Variants in ERICH1 observed in about 807,000 individuals in gnomAD.
The protein encoded by ERICH1 is glutamate-rich protein 1.
In ERICH1, 56 loss-of-function variants were observed where a neutral mutation model predicts 39.6. The ratio of observed to expected loss-of-function variants is 1.41; its 90% CI spans 1.14 to 1.77. The LOEUF is 1.77. ERICH1 is among the 40% of genes most tolerant of loss of function. The pLI, the probability that ERICH1 is intolerant of heterozygous loss-of-function variation, is 0.00. For missense variants in ERICH1, 826 were observed against 575.4 expected (o/e 1.44, Z -4.45); for synonymous variants, 313 against 223.6 (o/e 1.40, Z -3.57).
intron 3 of ERICH1, among the ~76,000 whole-genome samples, chr8:679,456 C>G (rs1407541928): frequency 1.3e-5 from 2 of 150,222 alleles, no homozygotes; most frequent in Non-Finnish European, 3.0e-5. Context: ...CCACCCCTCA[C>G]AGCACCCACC....
At chr8:702,811 G>C (rs1305155143) in intron 2 of ERICH1, among the ~76,000 whole-genome samples, 1 of 152,364 alleles carries the variant, frequency 6.6e-6, no homozygotes. Flanking sequence ...AGAGGGGCAG[G>C]GCGGAAGCCA....
chr8:695,156 G>A (rs1029997799), intron 2 of ERICH1, among the ~76,000 whole-genome samples: 1 of 152,002 alleles, frequency 6.6e-6, no homozygotes, highest in Non-Finnish European at 1.5e-5. Flanking sequence ...CCTCTGGGCT[G>A]CTCCTGGCAG....
chr8:672,959 A>T (rs1030418661), intron 4 of ERICH1, among the ~76,000 whole-genome samples: 1 of 152,082 alleles, frequency 6.6e-6, no homozygotes, highest in Non-Finnish European at 1.5e-5. Flanking sequence ...ATGCCAACAC[A>T]CTCCAAAACC....
chr8:660,076 C>G (rs985245290), downstream of ERICH1, among the ~76,000 whole-genome samples: 1 of 152,194 alleles, frequency 6.6e-6, no homozygotes, highest in Non-Finnish European at 1.5e-5. Context: ...GCTGAGGCAA[C>G]GAGGTGGGGC....
At chr8:633,595 G>T (rs1281775234) in intron 3 of ERICH1, among the ~76,000 whole-genome samples, 2 of 152,144 alleles carry the variant, frequency 1.3e-5, no homozygotes, top group Non-Finnish European at 2.9e-5. Context: ...ATCCTAAAAA[G>T]AACGAAGCTG....
At chr8:700,091 GCGCACAGACCCGCACA>G (rs1424301894) in intron 2 of ERICH1, among the ~76,000 whole-genome samples, 1 of 127,006 alleles carries the variant, frequency 7.9e-6, no homozygotes, top group Non-Finnish European at 1.6e-5. Context: ...ACCCGCACAC[GCGCACAGACCCGCACA>G]CGCGCACACA....
chr8:660,029 C>T (rs565612849), downstream of ERICH1, among the ~76,000 whole-genome samples: 1 of 152,380 alleles, frequency 6.6e-6, no homozygotes, highest in South Asian at 2.1e-4. Flanking sequence ...CATCAACTCA[C>T]TGTGCCAGAT....
At chr8:714,746 C>T (rs1357834375) in intron 2 of ERICH1, among the ~76,000 whole-genome samples, 1 of 140,244 alleles carries the variant, frequency 7.1e-6, no homozygotes, top group Admixed American at 7.0e-5. Context: ...CTTCCGGCAT[C>T]TCTCGGTGGG....
chr8:615,777 T>C (rs1796873558), intron 3 of ERICH1: 1 of 152,844 alleles, frequency 6.5e-6, no homozygotes. Flanking sequence ...TGCTAAGAGC[T>C]ATGTGGTAAA....
exon 4 of ERICH1, chr8:615,235 C>G: frequency 1.4e-6 from 1 of 696,042 alleles, no homozygotes; most frequent in Non-Finnish European, 2.6e-6. Context: ...AAGGCAGCCC[C>G]TCTCTCTTTC....
chr8:628,504 C>T (rs113418083), intron 3 of ERICH1, among the ~76,000 whole-genome samples: 2,080 of 152,336 alleles, frequency 0.014, 54 homozygotes, highest in African/African-American at 0.047. Flanking sequence ...AGGCAGCTGG[C>T]GACCTTGGCC....
At chr8:656,953 G>A in intron 3 of ERICH1, 1 of 670,058 alleles carries the variant, frequency 1.5e-6, no homozygotes, top group Non-Finnish European at 1.8e-6. Flanking sequence ...GCATTTTAGT[G>A]CAAAATAATT....
At position 700,241 on chromosome 8, in the gene ERICH1, ACAGG is replaced by A. The variant is rs2132178623; in HGVS notation, c.170-7633_170-7630del. ...CACCCGCACACGCGCACAGGCCCGC[ACAGG>A]CCCGCACACGCGCACAGGCCCGCAC... On this transcript the variant is annotated intron_variant, in intron 2 of 5. Transcript: ENST00000262109. Among the ~76,000 whole-genome samples, 5 of 64,152 alleles carry A rather than the reference ACAGG, an allele frequency of 7.8e-5. 1 individual carries two copies. Among genetic ancestry groups the A allele is most frequent in the Admixed American group, 1.8e-4 (1 of 5,504 alleles). The allele number at this position is 64,152 out of a possible 152,430, so 42.1% of individuals were successfully genotyped here. A position where few individuals can be genotyped will look rare whatever the true frequency, so the allele number is the denominator to read the frequency against.
At chr8:727,214 A>G (rs1333526673) in intron 1 of ERICH1, among the ~76,000 whole-genome samples, 2 of 152,156 alleles carry the variant, frequency 1.3e-5, no homozygotes, top group Admixed American at 1.3e-4. Flanking sequence ...ACGTGCACAC[A>G]TAGGAACAGC....
At chr8:668,203 A>T (rs1279092016) in intron 5 of ERICH1, 1 of 261,116 alleles carries the variant, frequency 3.8e-6, no homozygotes, top group Non-Finnish European at 7.4e-6. Flanking sequence ...AGAAAATAAA[A>T]GTCGTCATCA....
chr8:674,161 C>T lies in ERICH1; in HGVS notation c.305-114G>A, dbSNP rs527790686. On this transcript the variant is annotated intron_variant, in intron 3 of 5. Coordinates refer to ENST00000262109, the MANE Select transcript of ERICH1 (RefSeq NM_207332.3). ...GTAGTTTTAGTAGAAAAAGAGTTTA[C>T]ACTATTTACTTCGGTGATTCTCAAC... 47 of 1,227,874 alleles carry T rather than the reference C, an allele frequency of 3.8e-5. No individual in the cohort carries two copies. In the African/African-American group the frequency reaches 5.8e-4, roughly 15 times the overall value. 76.1% of individuals were successfully genotyped at this position (1,227,874 alleles called of 1,614,324 possible). A position where few individuals can be genotyped will look rare whatever the true frequency, so the allele number is the denominator to read the frequency against.
chr8:721,615 T>C (rs1343112782), intron 1 of ERICH1, among the ~76,000 whole-genome samples: 1 of 152,204 alleles, frequency 6.6e-6, no homozygotes, highest in African/African-American at 2.4e-5. Flanking sequence ...CCCTTGCTGG[T>C]TCTTGGAACC....
intron 3 of ERICH1, among the ~76,000 whole-genome samples, chr8:642,383 C>G (rs1176223284): frequency 7.5e-6 from 1 of 134,050 alleles, no homozygotes; most frequent in Non-Finnish European, 1.5e-5. Flanking sequence ...CTCGCTCTGT[C>G]GCCCAGGCTG....
intron 3 of ERICH1, among the ~76,000 whole-genome samples, chr8:633,074 G>T (rs1376720530): frequency 6.6e-6 from 1 of 152,176 alleles, no homozygotes; most frequent in East Asian, 1.9e-4. Flanking sequence ...CCCGCGCGGG[G>T]CCGCCCAGGA....
Sources: gnomAD v4.1 joint callset for allele counts (sites outside exome capture counted in the v4.1 genomes callset) on GRCh38, gnomAD v4.1.1 for gene constraint, MANE v1.5 for transcripts, NCBI Gene and HGNC (gene_info 2026-07-23, HGNC 2026-07-21) for gene names.